Variants in SEC14L5 observed in about 807,000 individuals in gnomAD.
The protein encoded by SEC14L5 is SEC14 like lipid binding 5, also known as SEC14-like protein 5.
A neutral mutation model predicts 84.6 loss-of-function variants in SEC14L5; 96 were observed. That is an observed-to-expected ratio of 1.13 (90% CI 0.96 to 1.34). The LOEUF is 1.34. SEC14L5 is among the 40% of genes most tolerant of loss of function. SEC14L5 has a pLI of 0.00. For missense variants in SEC14L5, 1,224 were observed against 942.5 expected (o/e 1.30, Z -3.91); for synonymous variants, 546 against 383.4 (o/e 1.42, Z -4.95).
chr16:4,990,363 A>T (rs1702992090), intron 4 of SEC14L5, among the ~76,000 whole-genome samples: 2 of 152,166 alleles, frequency 1.3e-5, no homozygotes, highest in South Asian at 4.1e-4. Flanking sequence ...GAGTTTCACC[A>T]TGTTGGCCAG....
At position 4,987,691 on chromosome 16, in the gene SEC14L5, G is replaced by C; in HGVS notation, c.198G>C (p.Pro66=). 1 of 1,527,826 alleles carries C rather than the reference G, an allele frequency of 6.5e-7. No homozygotes were observed. Among genetic ancestry groups the C allele is most frequent in the South Asian group, 1.2e-5 (1 of 81,382 alleles). 94.6% of individuals were successfully genotyped at this position (1,527,826 alleles called of 1,614,324 possible). ...ERSCRLRVDA[P]RLLRKIAGVE... ...GCTGCCGGCTGCGCGTGGACGCCCC[G>C]CGGCTGCTGCGGAAGGTGGGCGGCC... is the stretch of plus-strand genomic sequence containing the variant. Residue 66 remains proline (P), a synonymous_variant, in exon 3 of 16, where the codon CCG becomes CCC. Coordinates refer to ENST00000251170, the MANE Select transcript of SEC14L5 (RefSeq NM_014692.2).
Position 4,968,094 on chromosome 16 carries a change from C to T in SEC14L5, c.63+8708C>T, listed in dbSNP as rs573567700. The stretch of plus-strand genomic sequence containing the variant: ...AGTGCAGTGGTGCAATCATGGCTCA[C>T]TGCAGCCTTGACCTCCTGGAGGTCA... On this transcript the variant is annotated intron_variant, in intron 2 of 15. Coordinates refer to ENST00000251170, the MANE Select transcript of SEC14L5 (RefSeq NM_014692.2). 6.0e-5 allele frequency among the ~76,000 whole-genome samples: 9 copies of T among 150,660 alleles called. No homozygotes were observed. In the South Asian group the frequency reaches 1.9e-3, roughly 32 times the overall value.
Position 4,970,968 on chromosome 16 carries a change from C to T in SEC14L5, c.63+11582C>T, listed in dbSNP as rs147795963. Among the ~76,000 whole-genome samples, 167 of 152,034 alleles carry T rather than the reference C, an allele frequency of 1.1e-3. 1 individual carries two copies. Among genetic ancestry groups the T allele is most frequent in the African/African-American group, 3.7e-3 (155 of 41,486 alleles). On this transcript the variant is annotated intron_variant, in intron 2 of 15. Coordinates refer to ENST00000251170, the MANE Select transcript of SEC14L5 (RefSeq NM_014692.2). ...ACTAAAAATACAAAAATTAGCTGGG[C>T]GTGACGGTATGTGCCTGTAGTCCCA...
chr16:5,000,914 C>A lies in SEC14L5; in HGVS notation c.1119C>A (p.Gly373=), dbSNP rs778491704. 2 of 1,606,618 alleles carry A rather than the reference C, an allele frequency of 1.2e-6. No homozygotes were observed. The highest frequency in any genetic ancestry group is 1.7e-6 in the Non-Finnish European group (2 of 1,176,680). Residue 373 remains glycine (G), a synonymous_variant, in exon 10 of 16, where the codon GGC becomes GGA. Coordinates refer to ENST00000251170, the MANE Select transcript of SEC14L5 (RefSeq NM_014692.2). ...KRCEGSTRQL[G]RPISSWTCLL... ...GTGAGGGGAGCACAAGGCAGCTGGG[C>A]CGTCCCATCAGGCAAACACCTGGGC...
rs779515699 is a variant in SEC14L5, at chr16:5,011,169, C to A, written c.1875C>A (p.Ala625=). ...TGCACAGCCCCCCCAGCAGCGTGGC[C>A]TGCAGCCTCCCGGGTGTGGACGATG... ...WQMHSPPSSV[A]CSLPGVDDVL... is the part of the protein sequence containing the mutation. Residue 625 remains alanine, a synonymous_variant, in exon 15 of 16, where the codon GCC becomes GCA. Coordinates refer to ENST00000251170, the MANE Select transcript of SEC14L5 (RefSeq NM_014692.2). 2.2e-5 allele frequency: 36 copies of A among 1,613,348 alleles called. No homozygotes were observed. In the South Asian group the frequency reaches 4.0e-4, roughly 18 times the overall value.
At chr16:4,987,201 CT>C (rs34934353) in intron 2 of SEC14L5, among the ~76,000 whole-genome samples, 45 of 143,632 alleles carry the variant, frequency 3.1e-4, no homozygotes, top group African/African-American at 8.9e-4. Context: ...TTTATTGAAT[CT>C]TTTTTTTTTT....
At chr16:4,978,521 C>A (rs534224700) in intron 2 of SEC14L5, among the ~76,000 whole-genome samples, 1 of 148,108 alleles carries the variant, frequency 6.8e-6, no homozygotes, top group East Asian at 2.0e-4. Context: ...TATGCTCAAG[C>A]GATTCTCCTG....
intron 2 of SEC14L5, among the ~76,000 whole-genome samples, chr16:4,974,717 C>T (rs754868469): frequency 3.3e-5 from 5 of 152,062 alleles, no homozygotes; most frequent in African/African-American, 4.8e-5. Context: ...TCCTCACTCC[C>T]TCCCAGTCTT....
chr16:5,008,281 A>G (rs1267444618), intron 13 of SEC14L5, 140 bp from the exon 14 acceptor site: 4 of 641,932 alleles, frequency 6.2e-6, no homozygotes, highest in Non-Finnish European at 1.1e-5. Context: ...TGAGGAGAGG[A>G]GGGCACTCCT....
At chr16:4,986,051 G>T (rs921610903) in intron 2 of SEC14L5, among the ~76,000 whole-genome samples, 6 of 151,764 alleles carry the variant, frequency 4.0e-5, no homozygotes, top group Non-Finnish European at 8.8e-5. Flanking sequence ...TTCCAAAGGG[G>T]TTGTACCGTA....
Position 5,007,495 on chromosome 16 carries a change from G to A in SEC14L5, c.1572+9G>A, listed in dbSNP as rs745618271. 6 of 1,612,252 alleles carry A rather than the reference G, an allele frequency of 3.7e-6. No homozygotes were observed. The highest frequency in any genetic ancestry group is 2.7e-5 in the African/African-American group (2 of 74,922). ...GCGGAGCCCCCCACGAGGTGCCAGG[G>A]CCTGGCCGGGGAGGGCCCGCTGAGC... is the stretch of plus-strand genomic sequence containing the variant. On this transcript the variant is annotated intron_variant, in intron 13 of 15. Transcript: ENST00000251170.
At chr16:5,009,504 T>C (rs1955775317) in intron 14 of SEC14L5, among the ~76,000 whole-genome samples, 1 of 151,994 alleles carries the variant, frequency 6.6e-6, no homozygotes, top group Non-Finnish European at 1.5e-5. Context: ...TTGTATTTTT[T>C]GTAGAGATGG....
intron 2 of SEC14L5, among the ~76,000 whole-genome samples, chr16:4,964,672 G>T (rs1156374632): frequency 6.6e-6 from 1 of 152,066 alleles, no homozygotes; most frequent in African/African-American, 2.4e-5. Context: ...CCGACCTCAG[G>T]TGATCTTCCT....
chr16:4,989,389 C>G (rs1276493542), intron 4 of SEC14L5, among the ~76,000 whole-genome samples: 2 of 149,098 alleles, frequency 1.3e-5, no homozygotes, highest in African/African-American at 2.5e-5. Flanking sequence ...CTGGAGTGCA[C>G]TGGCATAATC....
At chr16:5,001,494 C>T (rs1433203799) in intron 10 of SEC14L5, among the ~76,000 whole-genome samples, 1 of 152,076 alleles carries the variant, frequency 6.6e-6, no homozygotes, top group Non-Finnish European at 1.5e-5. Context: ...CTCCTGACCT[C>T]GTGATCCGCC....
intron 8 of SEC14L5, among the ~76,000 whole-genome samples, chr16:4,998,465 G>C (rs768693857): frequency 1.3e-5 from 2 of 151,556 alleles, no homozygotes; most frequent in Non-Finnish European, 2.9e-5. Flanking sequence ...AGGGCCGGGC[G>C]CGGTGGCTCA....
intron 11 of SEC14L5, among the ~76,000 whole-genome samples, chr16:5,004,283 G>C (rs1955708205): frequency 6.6e-6 from 1 of 152,164 alleles, no homozygotes; most frequent in Non-Finnish European, 1.5e-5. Context: ...GCTCTGTTCA[G>C]GTGAGGCTAG....
chr16:5,004,002 CCACA>C (rs1289507050), intron 11 of SEC14L5, among the ~76,000 whole-genome samples: 1 of 152,218 alleles, frequency 6.6e-6, no homozygotes, highest in Non-Finnish European at 1.5e-5. Context: ...ACACCCACGC[CCACA>C]CACACACTCC....
In SEC14L5 at chr16:4,988,325, C is replaced by G. The variant is rs372004675; in HGVS notation, c.345+45C>G. ...AGCGCCCACGCCCGGCACCCACCTG[C>G]GCCCGGCACCCACCTGTGCCCAGAG... On this transcript the variant is annotated intron_variant, in intron 4 of 15. Transcript: ENST00000251170. The G allele has an allele frequency of 4.4e-6, 7 of 1,599,110 alleles. No individual in the cohort carries two copies. The Admixed American group carries it at 1.0e-4, about 23-fold the overall frequency.
Sources: gnomAD v4.1 joint callset for allele counts (sites outside exome capture counted in the v4.1 genomes callset) on GRCh38, gnomAD v4.1.1 for gene constraint, MANE v1.5 for transcripts, NCBI Gene and HGNC (gene_info 2026-07-23, HGNC 2026-07-21) for gene names.